Variants in MPHOSPH8 observed in about 807,000 individuals in gnomAD.
MPHOSPH8 encodes the protein M-phase phosphoprotein, mpp.
A neutral mutation model predicts 87.3 loss-of-function variants in MPHOSPH8; 45 were observed. That is an observed-to-expected ratio of 0.52 (90% CI 0.41 to 0.66). The LOEUF (loss-of-function observed/expected upper bound fraction) is 0.66, where lower values mean the gene tolerates loss of function less well. Ranked by LOEUF, MPHOSPH8 falls within the 30% of genes least tolerant of loss-of-function variation. The pLI is 0.00. For missense variants in MPHOSPH8, 883 were observed against 1,020.2 expected, an observed-to-expected ratio of 0.87 and a Z score of 1.83; for synonymous variants, 366 against 376.9, an observed-to-expected ratio of 0.97 and a Z score of 0.33.
chr13:19,634,287 G>A (rs189448503), intron 1 of MPHOSPH8, among the ~76,000 whole-genome samples: 1 of 152,298 alleles, frequency 6.6e-6, no homozygotes, highest in African/African-American at 2.4e-5. Flanking sequence ...ATATGATAGT[G>A]AAGTAATGCT....
intron 9 of MPHOSPH8, 59 bp from the exon 10 acceptor site, chr13:19,666,366 C>A: frequency 6.6e-7 from 1 of 1,518,414 alleles, no homozygotes; most frequent in African/African-American, 1.4e-5. Context: ...GGAGAAGGGA[C>A]CAGCACCCAT....
chr13:19,648,203 T>C (rs1406475487), intron 3 of MPHOSPH8, among the ~76,000 whole-genome samples: 2 of 151,822 alleles, frequency 1.3e-5, no homozygotes, highest in East Asian at 3.9e-4. Context: ...GTTGGAAAAC[T>C]GATGTTGGGT....
In MPHOSPH8 at chr13:19,648,469, G is replaced by A; in HGVS notation, c.1266G>A (p.Arg422=). The change falls in exon 4 of 14, where the codon AGG becomes AGA. Residue 422 remains arginine (R), a synonymous_variant. Transcript: ENST00000361479. The stretch of plus-strand genomic sequence containing the variant: ...AATCCAAAGAAAAATATCAGAAAAG[G>A]CATGATTCTGACAAGGAAGAAAAAG... ...RNESKEKYQK[R]HDSDKEEKGR... 1 of 1,586,612 alleles carries A rather than the reference G, an allele frequency of 6.3e-7. No individual in the cohort carries two copies.
intron 5 of MPHOSPH8, among the ~76,000 whole-genome samples, chr13:19,654,948 CAAAAAA>C (rs1199477154): frequency 7.2e-6 from 1 of 139,820 alleles, no homozygotes; most frequent in African/African-American, 2.6e-5. Context: ...CACACCATCT[CAAAAAA>C]AAAAAGAAAA....
intron 2 of MPHOSPH8, among the ~76,000 whole-genome samples, chr13:19,644,114 AT>A (rs937396633): frequency 2.6e-5 from 4 of 151,242 alleles, no homozygotes; most frequent in African/African-American, 9.7e-5. Context: ...AGTTACTTGA[AT>A]TTTTTTTTCT....
At chr13:19,636,059 T>G (rs1873990471) in intron 1 of MPHOSPH8, among the ~76,000 whole-genome samples, 1 of 152,354 alleles carries the variant, frequency 6.6e-6, no homozygotes. Flanking sequence ...TCCCCAGCCA[T>G]GCTGAACTGA....
intron 1 of MPHOSPH8, among the ~76,000 whole-genome samples, chr13:19,640,074 G>C (rs114175661): frequency 0.017 from 2,531 of 151,602 alleles, 64 homozygotes; most frequent in African/African-American, 0.057. Flanking sequence ...CCACTACTCT[G>C]CAGCCTGGGC....
chr13:19,638,550 T>C (rs1367627088), intron 1 of MPHOSPH8, among the ~76,000 whole-genome samples: 1 of 151,406 alleles, frequency 6.6e-6, no homozygotes, highest in East Asian at 1.9e-4. Context: ...GAGGCGAAGG[T>C]TGTGGTGAGC....
intron 1 of MPHOSPH8, 128 bp downstream of exon 1, chr13:19,634,089 G>A: frequency 1.0e-6 from 1 of 963,334 alleles, no homozygotes; most frequent in South Asian, 1.5e-5. Flanking sequence ...TTCAATGCAA[G>A]CACGCGAAAT....
In MPHOSPH8 at chr13:19,650,235, CG is replaced by C; in HGVS notation, c.1552del (p.Val518CysfsTer15). The C allele has an allele frequency of 6.2e-7, 1 of 1,613,816 alleles. No individual in the cohort carries two copies. Among genetic ancestry groups the C allele is most frequent in the Non-Finnish European group, 8.5e-7 (1 of 1,179,926 alleles). On this transcript the variant is annotated frameshift_variant, in exon 5 of 14. Coordinates refer to ENST00000361479, the MANE Select transcript of MPHOSPH8 (RefSeq NM_017520.4). LOFTEE classifies it high-confidence loss of function. Reference protein sequence around the residue: ...AEGDQEVLDSVCQADENSDGR... With the variant: ...AEGDQEVLDSXCQADENSDGR... ...AAGGTGATCAGGAGGTTTTAGACAG[CG>C]TGTGCCAAGCAGATGAGAATTCAGG...
chr13:19,636,016 G>C (rs1873987875), intron 1 of MPHOSPH8, among the ~76,000 whole-genome samples: 3 of 152,142 alleles, frequency 2.0e-5, no homozygotes, highest in Admixed American at 2.0e-4. Context: ...CTTCTCCTTT[G>C]CCTTCCGCCA....
At chr13:19,651,077 C>A (rs983916707) in intron 5 of MPHOSPH8, among the ~76,000 whole-genome samples, 2 of 152,212 alleles carry the variant, frequency 1.3e-5, no homozygotes, top group Non-Finnish European at 2.9e-5. Flanking sequence ...AGGGGAACAT[C>A]AGTAAAGCCA....
chr13:19,646,336 T>C (rs1874561065), intron 2 of MPHOSPH8, 107 bp from the exon 3 acceptor site: 1 of 984,756 alleles, frequency 1.0e-6, no homozygotes, highest in Admixed American at 3.7e-5. Flanking sequence ...AAGTTGAGAT[T>C]CTGCTTGGAA....
intron 11 of MPHOSPH8, among the ~76,000 whole-genome samples, chr13:19,669,612 A>G: frequency 6.7e-6 from 1 of 150,310 alleles, no homozygotes; most frequent in East Asian, 2.0e-4. Flanking sequence ...GGGTTCAAGC[A>G]ATTCTCCTGC....
intron 12 of MPHOSPH8, 157 bp from the exon 13 acceptor site, chr13:19,671,049 G>A (rs980170332): frequency 2.8e-5 from 40 of 1,424,460 alleles, no homozygotes; most frequent in Middle Eastern, 5.1e-4. Context: ...TCAAACTTCT[G>A]GGCTCAAGCG....
At chr13:19,647,401 G>A (rs1170114295) in intron 3 of MPHOSPH8, 110 bp downstream of exon 3, 22 of 903,060 alleles carry the variant, frequency 2.4e-5, no homozygotes, top group Non-Finnish European at 3.5e-5. Flanking sequence ...ACCATGGGCG[G>A]TCATAAATGA....
rs1305395603 is a variant in MPHOSPH8 at position 19,659,115 on chromosome 13, C to G, written c.1697C>G (p.Pro566Arg). 1 of 1,613,600 alleles carries G rather than the reference C, an allele frequency of 6.2e-7. No homozygotes were observed. The highest frequency in any genetic ancestry group is 8.5e-7 in the Non-Finnish European group (1 of 1,179,914). The change falls in exon 6 of 14, where the codon CCA becomes CGA. Residue 566 changes from proline (P) to arginine (R), a missense_variant. Physicochemically the swap from Pro to Arg is moderately radical, Grantham distance 103. Coordinates refer to ENST00000361479, the MANE Select transcript of MPHOSPH8 (RefSeq NM_017520.4). ...AATTTTGCTGCAACAGATGCAATTC[C>G]AAGTAGTGAGTAGTTTTGGAAATAT... is the stretch of plus-strand genomic sequence containing the variant. Reference protein sequence around the residue: ...DENFAATDAIPSNVLRDAVKN... With the variant: ...DENFAATDAIRSNVLRDAVKN...
intron 5 of MPHOSPH8, among the ~76,000 whole-genome samples, chr13:19,650,970 A>G (rs1284178737): frequency 1.3e-5 from 2 of 152,226 alleles, no homozygotes; most frequent in East Asian, 3.8e-4. Flanking sequence ...AATTTCTGGT[A>G]CCAGTGGGCA....
At chr13:19,670,819 A>AC in intron 12 of MPHOSPH8, 1 of 1,128,732 alleles carries the variant, frequency 8.9e-7, no homozygotes, top group African/African-American at 2.1e-5. Context: ...AAAATAAATC[A>AC]CTTTTTTTTT....
Sources: allele counts gnomAD v4.1 joint callset (sites outside exome capture counted in the v4.1 genomes callset), GRCh38; gene constraint gnomAD v4.1.1; transcripts MANE v1.5; gene names NCBI Gene and HGNC (gene_info 2026-07-23, HGNC 2026-07-21).